The following ACTR2 variants were observed in gnomAD, a reference collection of about 807,000 sequenced individuals.
ACTR2 encodes actin related protein 2.
ACTR2 carries 5 observed loss-of-function variants against 50.2 expected under a neutral mutation model. That is an observed-to-expected ratio of 0.10 (90% confidence interval 0.05 to 0.21). ACTR2 has a LOEUF of 0.21. ACTR2 is among the 10% of genes least tolerant of loss of function. The pLI is 1.00. For missense variants in ACTR2, 180 were observed against 480.6 expected, an observed-to-expected ratio of 0.37 and a Z score of 5.85; for synonymous variants, 140 against 162.9, an observed-to-expected ratio of 0.86 and a Z score of 1.07.
intron 8 of ACTR2, among the ~76,000 whole-genome samples, chr2:65,266,136 G>A (rs763826867): frequency 6.6e-6 from 1 of 152,208 alleles, no homozygotes; most frequent in South Asian, 2.1e-4. Flanking sequence ...TCTAGGTGCC[G>A]GGGACAAACA....
chr2:65,245,429 A>T (rs144468436), intron 2 of ACTR2, among the ~76,000 whole-genome samples: 25 of 152,252 alleles, frequency 1.6e-4, no homozygotes, highest in African/African-American at 2.6e-4. Flanking sequence ...CTGAGGCAGG[A>T]GAATCGCTTG....
Position 65,246,529 on chromosome 2 carries a change from T to A in ACTR2, c.165T>A (p.Leu55=). ...TKVGNIEIKD[L]MVGDEASELR... ...GCTTTGACATAATTTTCTAGGATCT[T>A]ATGGTTGGTGATGAGGCAAGTGAAT... The change falls in exon 3 of 9, where the codon CTT becomes CTA. Residue 55 remains leucine (L), a synonymous_variant. Coordinates refer to ENST00000260641, the MANE Select transcript of ACTR2 (RefSeq NM_005722.4). 1 of 1,596,894 alleles carries A rather than the reference T, an allele frequency of 6.3e-7. No individual in the cohort carries two copies. The highest frequency in any genetic ancestry group is 2.3e-5 in the East Asian group (1 of 44,058).
chr2:65,266,801 G>A (rs1261221960), intron 8 of ACTR2, among the ~76,000 whole-genome samples: 1 of 152,208 alleles, frequency 6.6e-6, no homozygotes, highest in African/African-American at 2.4e-5. Flanking sequence ...CCATGCAGCA[G>A]GAAGGGCTCA....
At chr2:65,236,642 G>A (rs1307548414) in intron 1 of ACTR2, among the ~76,000 whole-genome samples, 2 of 151,880 alleles carry the variant, frequency 1.3e-5, no homozygotes, top group East Asian at 1.9e-4. Flanking sequence ...GTGCAGTGGC[G>A]TGATCTCAGC....
chr2:65,241,079 G>T (rs553969137), intron 2 of ACTR2, among the ~76,000 whole-genome samples: 5 of 151,930 alleles, frequency 3.3e-5, no homozygotes, highest in Non-Finnish European at 7.4e-5. Context: ...GGGACACTCA[G>T]TGTAAGTTTT....
chr2:65,239,217 C>T (rs1031234228), intron 1 of ACTR2, among the ~76,000 whole-genome samples: 34 of 152,226 alleles, frequency 2.2e-4, no homozygotes, highest in Middle Eastern at 3.4e-3. Flanking sequence ...CACTTTGGGA[C>T]GCTGAGGCAG....
rs111455226 is a variant in ACTR2 at position 65,229,766 on chromosome 2, A to G, written c.48+1809A>G. Reference sequence around the variant, plus strand: ...ACTCCGTCTCAAAAAAAAAAAAAAAAAAAAAGAAAAACAAAACATATTAAT... The same window carrying G: ...ACTCCGTCTCAAAAAAAAAAAAAAAGAAAAAGAAAAACAAAACATATTAAT... On this transcript the variant is annotated intron_variant, in intron 1 of 8. Coordinates refer to ENST00000260641, the MANE Select transcript of ACTR2 (RefSeq NM_005722.4). Among the ~76,000 whole-genome samples, 101 of 148,946 alleles carry G rather than the reference A, an allele frequency of 6.8e-4. 3 individuals are homozygous for G. The highest frequency in any genetic ancestry group is 8.3e-4 in the Non-Finnish European group (56 of 67,228).
chr2:65,235,844 T>C (rs1257109980), intron 1 of ACTR2, among the ~76,000 whole-genome samples: 1 of 152,208 alleles, frequency 6.6e-6, no homozygotes, highest in Non-Finnish European at 1.5e-5. Context: ...CCTTGGTGGC[T>C]CAATATAAAC....
chr2:65,259,546 T>C (rs1163365981), intron 6 of ACTR2, among the ~76,000 whole-genome samples: 3 of 151,958 alleles, frequency 2.0e-5, no homozygotes, highest in African/African-American at 7.3e-5. Context: ...CCAGCCAACA[T>C]GCAGAAACTC....
chr2:65,258,395 A>G (rs571855524), intron 6 of ACTR2, among the ~76,000 whole-genome samples: 7 of 151,958 alleles, frequency 4.6e-5, no homozygotes, highest in Non-Finnish European at 8.8e-5. Flanking sequence ...GGGCAATATA[A>G]TGAGACCCTG....
chr2:65,257,103 G>GC lies in ACTR2; in HGVS notation c.735+1415dup, dbSNP rs1363127563. Among the ~76,000 whole-genome samples the GC allele has an allele frequency of 2.7e-5, 4 of 145,862 alleles. No homozygotes were observed. In the East Asian group the frequency reaches 8.2e-4, roughly 30 times the overall value. On this transcript the variant is annotated intron_variant, in intron 6 of 8. Transcript: ENST00000260641. Reference sequence around the variant, plus strand: ...AATGCTATACCTCCCTCCCCTTGCCGCCCCCCACCCAACAGGCCCCATGTG... The same window carrying GC: ...AATGCTATACCTCCCTCCCCTTGCCGCCCCCCCACCCAACAGGCCCCATGTG...
intron 8 of ACTR2, 94 bp from the exon 9 acceptor site, chr2:65,268,470 G>T (rs954203183): frequency 8.8e-7 from 1 of 1,134,880 alleles, no homozygotes; most frequent in Non-Finnish European, 1.2e-6. Flanking sequence ...ACTGTTGCAA[G>T]TTTGAGGGAG....
rs199718281 is a variant in ACTR2, at chr2:65,227,905, G to A, written c.-5G>A. On this transcript the variant is annotated 5_prime_UTR_variant, in exon 1 of 9. Coordinates refer to ENST00000260641, the MANE Select transcript of ACTR2 (RefSeq NM_005722.4). ...CGGCTGCAGCGGCTCTTCCCTGGGC[G>A]GACGATGGACAGCCAGGGCAGGAAG... 23 of 1,521,186 alleles carry A rather than the reference G, an allele frequency of 1.5e-5. No homozygotes were observed. In the Admixed American group the frequency reaches 3.0e-4, roughly 20 times the overall value. The allele number at this position is 1,521,186 out of a possible 1,614,324, so 94.2% of individuals were successfully genotyped here.
At chr2:65,241,724 A>G (rs995165914) in intron 2 of ACTR2, among the ~76,000 whole-genome samples, 6 of 152,150 alleles carry the variant, frequency 3.9e-5, no homozygotes, top group African/African-American at 1.4e-4. Context: ...TAAGTTCAGT[A>G]ATGAATTAAA....
intron 2 of ACTR2, among the ~76,000 whole-genome samples, chr2:65,244,334 T>C (rs1423212456): frequency 3.3e-5 from 5 of 151,380 alleles, no homozygotes; most frequent in Non-Finnish European, 7.4e-5. Flanking sequence ...GTAAAGTTAG[T>C]AACAAAAATG....
intron 2 of ACTR2, among the ~76,000 whole-genome samples, chr2:65,244,443 A>G (rs1036563337): frequency 6.6e-6 from 1 of 152,214 alleles, no homozygotes; most frequent in African/African-American, 2.4e-5. Flanking sequence ...TGAAACTTGT[A>G]TATCCATCAC....
chr2:65,237,973 G>A (rs370994429), intron 1 of ACTR2, among the ~76,000 whole-genome samples: 3 of 151,334 alleles, frequency 2.0e-5, no homozygotes, highest in South Asian at 2.1e-4. Context: ...CAGCCTGGGC[G>A]ACAGAGTGAG....
At chr2:65,234,851 T>A (rs1671710034) in intron 1 of ACTR2, among the ~76,000 whole-genome samples, 1 of 152,266 alleles carries the variant, frequency 6.6e-6, no homozygotes, top group Non-Finnish European at 1.5e-5. Flanking sequence ...TCTATAATTT[T>A]TTTGAGATAA....
At chr2:65,267,913 T>A (rs930112716) in intron 8 of ACTR2, among the ~76,000 whole-genome samples, 7 of 119,782 alleles carry the variant, frequency 5.8e-5, no homozygotes, top group Non-Finnish European at 8.1e-5. Flanking sequence ...CTGGGCTCAC[T>A]GCAAGCTCCA....
Sources: allele counts gnomAD v4.1 joint callset (sites outside exome capture counted in the v4.1 genomes callset), GRCh38; gene constraint gnomAD v4.1.1; transcripts MANE v1.5; gene names NCBI Gene and HGNC (gene_info 2026-07-23, HGNC 2026-07-21).